The following NKAIN2 variants were observed in gnomAD, a reference collection of about 807,000 sequenced individuals.
NKAIN2 encodes sodium/potassium-transporting ATPase subunit beta-1-interacting protein 2.
Under a neutral mutation model 32.6 loss-of-function variants are expected in NKAIN2, and 14 were observed. The observed-to-expected ratio is 0.43, with a 90% CI of 0.28 to 0.67. The LOEUF (loss-of-function observed/expected upper bound fraction) is 0.67. Among genes scored for constraint, NKAIN2 ranks in the 30% least tolerant of loss-of-function variants. The pLI is 0.17. For missense variants in NKAIN2, 198 were observed against 258.3 expected (o/e 0.77, Z 1.60); for synonymous variants, 80 against 87.2 (o/e 0.92, Z 0.46).
intron 1 of NKAIN2, among the ~76,000 whole-genome samples, chr6:124,273,196 C>A (rs1249779778): frequency 6.6e-6 from 1 of 151,970 alleles, no homozygotes; most frequent in Non-Finnish European, 1.5e-5. Context: ...GTTTTGTGTC[C>A]CCACCCAAAT....
intron 1 of NKAIN2, among the ~76,000 whole-genome samples, chr6:124,271,411 T>C (rs918481607): frequency 2.6e-5 from 4 of 152,136 alleles, no homozygotes; most frequent in African/African-American, 9.7e-5. Flanking sequence ...AGAGATGGTG[T>C]TTCACCATGT....
intron 4 of NKAIN2, among the ~76,000 whole-genome samples, chr6:124,740,975 A>C (rs1777179182): frequency 6.6e-6 from 1 of 151,866 alleles, no homozygotes; most frequent in Non-Finnish European, 1.5e-5. Context: ...ATGGTAACTT[A>C]GACTATGGTG....
At chr6:124,686,030 C>T (rs1773858015) in intron 4 of NKAIN2, among the ~76,000 whole-genome samples, 1 of 152,110 alleles carries the variant, frequency 6.6e-6, no homozygotes, top group Non-Finnish European at 1.5e-5. Context: ...ATTCCAAGCT[C>T]ACTGAGATTG....
chr6:124,065,351 A>G (rs746131007), intron 1 of NKAIN2, among the ~76,000 whole-genome samples: 66 of 152,072 alleles, frequency 4.3e-4, no homozygotes, highest in Non-Finnish European at 8.4e-4. Flanking sequence ...CCGCTTACCC[A>G]GGCCTATGAA....
chr6:124,568,753 T>TA (rs1781014976), intron 3 of NKAIN2, among the ~76,000 whole-genome samples: 1 of 105,746 alleles, frequency 9.5e-6, no homozygotes, highest in African/African-American at 3.9e-5. Flanking sequence ...AAAAAGTCAA[T>TA]AAAAATGAGG....
intron 3 of NKAIN2, among the ~76,000 whole-genome samples, chr6:124,410,284 T>A (rs995662119): frequency 2.6e-5 from 4 of 152,166 alleles, no homozygotes; most frequent in African/African-American, 9.7e-5. Context: ...AATTGTGATG[T>A]TAGGGTGTCA....
At chr6:124,141,150 A>G (rs1195515104) in intron 1 of NKAIN2, among the ~76,000 whole-genome samples, 1 of 152,216 alleles carries the variant, frequency 6.6e-6, no homozygotes, top group Non-Finnish European at 1.5e-5. Context: ...GTTCAAAGAT[A>G]GTGGAAGCAA....
At chr6:124,714,998 G>T (rs991292685) in intron 4 of NKAIN2, among the ~76,000 whole-genome samples, 3 of 152,146 alleles carry the variant, frequency 2.0e-5, no homozygotes, top group African/African-American at 2.4e-5. Flanking sequence ...ATGATTCAGA[G>T]AGTGCTGAGC....
At chr6:124,094,929 A>C (rs563494201) in intron 1 of NKAIN2, among the ~76,000 whole-genome samples, 46 of 152,282 alleles carry the variant, frequency 3.0e-4, no homozygotes, top group Middle Eastern at 3.4e-3. Context: ...AGAATCATTG[A>C]GTTGTAGACT....
chr6:124,644,973 T>C (rs1439509612), intron 3 of NKAIN2, among the ~76,000 whole-genome samples: 1 of 152,206 alleles, frequency 6.6e-6, no homozygotes, highest in Admixed American at 6.5e-5. Context: ...TGTTTAAATG[T>C]CTACAGGAAA....
At chr6:124,273,491 C>T (rs1375347075) in intron 1 of NKAIN2, among the ~76,000 whole-genome samples, 1 of 152,148 alleles carries the variant, frequency 6.6e-6, no homozygotes, top group African/African-American at 2.4e-5. Flanking sequence ...ATTACCCAGT[C>T]TCAGGTAGTA....
At chr6:124,491,294 C>T (rs906149312) in intron 3 of NKAIN2, among the ~76,000 whole-genome samples, 2 of 151,898 alleles carry the variant, frequency 1.3e-5, no homozygotes, top group Admixed American at 6.6e-5. Context: ...AGAGCTTGAG[C>T]TCTGCTCTAC....
intron 1 of NKAIN2, among the ~76,000 whole-genome samples, chr6:123,886,896 CAG>C (rs533090402): frequency 2.6e-4 from 40 of 152,020 alleles, no homozygotes; most frequent in Admixed American, 5.2e-4. Flanking sequence ...AACTTAATAA[CAG>C]GGCACAGTGG....
At chr6:123,896,055 A>G (rs1460313659) in intron 1 of NKAIN2, among the ~76,000 whole-genome samples, 2 of 152,214 alleles carry the variant, frequency 1.3e-5, no homozygotes, top group Admixed American at 1.3e-4. Flanking sequence ...TTGCAGCTGC[A>G]TCTGCATCTC....
chr6:123,948,451 A>G (rs1322540030), intron 1 of NKAIN2, among the ~76,000 whole-genome samples: 1 of 151,854 alleles, frequency 6.6e-6, no homozygotes, highest in African/African-American at 2.4e-5. Flanking sequence ...TTTTAATAAA[A>G]TAATTTTAAC....
intron 3 of NKAIN2, among the ~76,000 whole-genome samples, chr6:124,614,686 A>T (rs1782816962): frequency 6.9e-6 from 1 of 144,136 alleles, no homozygotes; most frequent in African/African-American, 2.7e-5. Flanking sequence ...GTTGGTCCCA[A>T]AGACCCCCCC....
intron 3 of NKAIN2, among the ~76,000 whole-genome samples, chr6:124,367,067 GCTAAAAGACCACACAT>G (rs1159790309): frequency 1.3e-5 from 2 of 151,882 alleles, no homozygotes; most frequent in East Asian, 3.9e-4. Context: ...ACTTGTATTT[GCTAAAAGACCACACAT>G]CATCGTTATG....
chr6:124,747,451 A>G (rs1183068561), intron 4 of NKAIN2, among the ~76,000 whole-genome samples: 1 of 151,870 alleles, frequency 6.6e-6, no homozygotes, highest in Non-Finnish European at 1.5e-5. Flanking sequence ...ACTGATGTGA[A>G]AACTTGACTG....
In NKAIN2 at chr6:123,878,969, A is replaced by G. The variant is rs117241524; in HGVS notation, c.54+74715A>G. ...GATAGTACTTTTTCCTACATTCTGC[A>G]CTCTGCCTTTTTTTCCAATACTGAA... On this transcript the variant is annotated intron_variant, in intron 1 of 6. Coordinates refer to ENST00000368417, the MANE Select transcript of NKAIN2 (RefSeq NM_001040214.3). Among the ~76,000 whole-genome samples, 268 of 152,168 alleles carry G rather than the reference A, an allele frequency of 1.8e-3. 1 individual carries two copies. Among genetic ancestry groups the G allele is most frequent in the Non-Finnish European group, 1.8e-3 (125 of 68,006 alleles).
Sources: gnomAD v4.1 joint callset for allele counts (sites outside exome capture counted in the v4.1 genomes callset) on GRCh38, gnomAD v4.1.1 for gene constraint, MANE v1.5 for transcripts, NCBI Gene and HGNC (gene_info 2026-07-23, HGNC 2026-07-21) for gene names.